Variants in GPD2 observed in about 807,000 individuals in gnomAD.
GPD2 encodes the protein glycerol-3-phosphate dehydrogenase 2.
GPD2 carries 54 observed loss-of-function variants against 82.4 expected under a neutral mutation model. The observed-to-expected ratio is 0.66, with a 90% confidence interval of 0.53 to 0.82. The LOEUF (loss-of-function observed/expected upper bound fraction) is 0.82, where lower values mean the gene tolerates loss of function less well. Ranked by LOEUF, GPD2 falls within the 40% of genes least tolerant of loss-of-function variation. GPD2 has a pLI of 0.00. For missense variants in GPD2, 748 were observed against 896.2 expected, an observed-to-expected ratio of 0.83 and a Z score of 2.11; for synonymous variants, 288 against 306.1, an observed-to-expected ratio of 0.94 and a Z score of 0.62.
chr2:156,400,743 G>A, the GPD2 span, among the ~76,000 whole-genome samples: 1 of 152,212 alleles, frequency 6.6e-6, no homozygotes, highest in Non-Finnish European at 1.5e-5. Context: ...GAATGAGTAT[G>A]GACACCAGAA....
intron 1 of GPD2, among the ~76,000 whole-genome samples, chr2:156,472,309 C>CA (rs1452515603): frequency 6.6e-6 from 1 of 151,920 alleles, no homozygotes; most frequent in Non-Finnish European, 1.5e-5. Context: ...AGCATTAAAA[C>CA]AAAGTTCTTT....
intron 1 of GPD2, among the ~76,000 whole-genome samples, chr2:156,465,353 CTTTCTTTCTTTT>C (rs1683114872): frequency 4.8e-5 from 1 of 20,678 alleles, no homozygotes; most frequent in African/African-American, 6.4e-5. Context: ...TTCTTTCTTT[CTTTCTTTCTTTT>C]TTTTTTTTTT....
chr2:156,564,004 G>A (rs1687271364), intron 9 of GPD2, among the ~76,000 whole-genome samples: 1 of 152,108 alleles, frequency 6.6e-6, no homozygotes, highest in African/African-American at 2.4e-5. Context: ...CTCCATCTCT[G>A]CAGTAAAGTC....
intron 8 of GPD2, among the ~76,000 whole-genome samples, chr2:156,552,971 C>T (rs1011994691): frequency 4.1e-5 from 6 of 146,362 alleles, no homozygotes; most frequent in African/African-American, 1.5e-4. Context: ...GCCATCTTGG[C>T]CCACTGCAAC....
intron 6 of GPD2, among the ~76,000 whole-genome samples, chr2:156,546,597 G>C: frequency 6.6e-6 from 1 of 152,124 alleles, no homozygotes; most frequent in South Asian, 2.1e-4. Context: ...AGGATTGCTG[G>C]GTGGAGGTGT....
rs1491322881 is a variant in GPD2, at chr2:156,439,541, A to AAAAAAC, written c.-9+3033_-9+3034insCAAAAA. ...AAAAAAAAAAAAAAAAAAAAAAAAC[A>AAAAAAC]AAAAAAAAAAAACAAGCCAGGCAGG... On this transcript the variant is annotated intron_variant, in intron 1 of 16. Coordinates refer to ENST00000438166, the MANE Select transcript of GPD2 (RefSeq NM_000408.5). Among the ~76,000 whole-genome samples, 346 of 35,646 alleles carry AAAAAAC rather than the reference A, an allele frequency of 9.7e-3. 5 individuals are homozygous for AAAAAAC. The highest frequency in any genetic ancestry group is 0.02 in the Non-Finnish European group (280 of 13,978). 23.4% of individuals were successfully genotyped at this position (35,646 alleles called of 152,430 possible). A position where few individuals can be genotyped will look rare whatever the true frequency, so the allele number is the denominator to read the frequency against.
At chr2:156,422,715 G>A in the GPD2 span, among the ~76,000 whole-genome samples, 1 of 149,816 alleles carries the variant, frequency 6.7e-6, no homozygotes, top group Non-Finnish European at 1.5e-5. Flanking sequence ...CTGTGCAACA[G>A]AGTGAGACTC....
chr2:156,436,122 C>T (rs1194982040), upstream of GPD2, among the ~76,000 whole-genome samples: 1 of 152,240 alleles, frequency 6.6e-6, no homozygotes, highest in Non-Finnish European at 1.5e-5. Context: ...GAGACCACCT[C>T]GCTCGCCGCC....
At chr2:156,411,036 T>A in the GPD2 span, among the ~76,000 whole-genome samples, 1 of 152,306 alleles carries the variant, frequency 6.6e-6, no homozygotes, top group South Asian at 2.1e-4. Context: ...ATAGGGTTGG[T>A]GAAAATAAAT....
At chr2:156,437,187 A>G (rs1681967093) in intron 1 of GPD2, among the ~76,000 whole-genome samples, 1 of 152,264 alleles carries the variant, frequency 6.6e-6, no homozygotes, top group Non-Finnish European at 1.5e-5. Context: ...ACAACACATT[A>G]TAAATATCAT....
chr2:156,534,810 T>TA (rs758423390), intron 6 of GPD2, among the ~76,000 whole-genome samples: 4,104 of 142,910 alleles, frequency 0.029, 121 homozygotes, highest in African/African-American at 0.075. Context: ...TGCTTTTTCT[T>TA]AAAAAAAAAA....
At chr2:156,403,017 A>G in the GPD2 span, among the ~76,000 whole-genome samples, 6 of 148,210 alleles carry the variant, frequency 4.0e-5, no homozygotes, top group South Asian at 6.5e-4. Flanking sequence ...TCACCAGCCA[A>G]TGGTGATGCT....
At chr2:156,435,686 G>GGCGGGGTC (rs1414003274), upstream of GPD2, 3 of 152,210 alleles carry the variant, frequency 2.0e-5, no homozygotes, top group African/African-American at 7.2e-5. Context: ...GGGCTCTGAC[G>GGCGGGGTC]GCGGGGTCGC....
chr2:156,451,529 C>T lies in GPD2; in HGVS notation c.-9+15016C>T, dbSNP rs1221121856. Among the ~76,000 whole-genome samples the T allele has an allele frequency of 7.7e-5, 9 of 117,142 alleles. 1 individual carries two copies. Among genetic ancestry groups the T allele is most frequent in the Non-Finnish European group, 1.5e-4 (8 of 55,120 alleles). 76.8% of individuals were successfully genotyped at this position (117,142 alleles called of 152,430 possible). ...GGCCGAGCGGGGGGGCTGACCCCCC[C>T]ACCTCCCTCCCAGACGGGGCGGCTG... On this transcript the variant is annotated intron_variant, in intron 1 of 16. Coordinates refer to ENST00000438166, the MANE Select transcript of GPD2 (RefSeq NM_000408.5).
At chr2:156,480,808 A>C in intron 2 of GPD2, among the ~76,000 whole-genome samples, 1 of 132,858 alleles carries the variant, frequency 7.5e-6, no homozygotes. Context: ...ATGGAGTTTC[A>C]CTCTTGTTGC....
At chr2:156,491,946 G>T (rs571677293) in intron 2 of GPD2, among the ~76,000 whole-genome samples, 21 of 151,378 alleles carry the variant, frequency 1.4e-4, no homozygotes, top group African/African-American at 2.9e-4. Flanking sequence ...CTTGAACCCG[G>T]GTGACAGAGG....
At chr2:156,454,793 G>A (rs768681395) in intron 1 of GPD2, among the ~76,000 whole-genome samples, 2 of 152,092 alleles carry the variant, frequency 1.3e-5, no homozygotes, top group African/African-American at 2.4e-5. Flanking sequence ...GGTTAGTCCT[G>A]GTGATGTCTT....
rs140626970 is a variant in GPD2, at chr2:156,568,059, G to C, written c.1166-766G>C. Among the ~76,000 whole-genome samples, 17 of 152,302 alleles carry C rather than the reference G, an allele frequency of 1.1e-4. No homozygotes were observed. In the East Asian group the frequency reaches 3.1e-3, roughly 28 times the overall value. On this transcript the variant is annotated intron_variant, in intron 9 of 16. Coordinates refer to ENST00000438166, the MANE Select transcript of GPD2 (RefSeq NM_000408.5). ...AAAAGAAAAAAGGCAGAGTATGGAA[G>C]TTGTCAGAAGTTGAGAGACAGTACA...
At chr2:156,454,908 C>T (rs901732071) in intron 1 of GPD2, among the ~76,000 whole-genome samples, 5 of 152,052 alleles carry the variant, frequency 3.3e-5, no homozygotes, top group East Asian at 1.9e-4. Context: ...CTCCTGAAGA[C>T]GTAGTGGCCA....
Sources: gnomAD v4.1 joint callset for allele counts (sites outside exome capture counted in the v4.1 genomes callset) on GRCh38, gnomAD v4.1.1 for gene constraint, MANE v1.5 for transcripts, NCBI Gene and HGNC (gene_info 2026-07-23, HGNC 2026-07-21) for gene names.